SLC5A3: variants seen among roughly 807,000 people sequenced by gnomAD.
SLC5A3 encodes sodium/myo-inositol cotransporter.
A neutral mutation model predicts 43.2 loss-of-function variants in SLC5A3; 10 were observed. That is an observed-to-expected ratio of 0.23 (90% CI 0.14 to 0.39). The LOEUF (loss-of-function observed/expected upper bound fraction) is 0.39, where lower values mean the gene tolerates loss of function less well. SLC5A3 is among the 10% of genes least tolerant of loss of function. The pLI is 1.00. For synonymous variants in SLC5A3, 349 were observed against 322.0 expected (o/e 1.08, Z -0.90); for missense variants, 608 against 893.4 (o/e 0.68, Z 4.07).
chr21:34,104,615 GGA>G lies in SLC5A3; in HGVS notation c.*7265_*7266del. ...GAAGAGTTAACCTGAACACTTTGAGGGAGAGATTATTCTTGCCAGCAAAAAGC... is the reference window on the plus strand; with the variant it reads ...GAAGAGTTAACCTGAACACTTTGAGGGAGATTATTCTTGCCAGCAAAAAGC... On this transcript the variant is annotated 3_prime_UTR_variant, in exon 2 of 2. Transcript: ENST00000381151. The G allele has an allele frequency of 1.0e-6, 1 of 1,000,176 alleles. No individual in the cohort carries two copies. Among genetic ancestry groups the G allele is most frequent in the Non-Finnish European group, 1.2e-6 (1 of 829,960 alleles). The allele number at this position is 1,000,176 out of a possible 1,614,324, so 62.0% of individuals were successfully genotyped here.
intron 1 of SLC5A3, among the ~76,000 whole-genome samples, chr21:34,088,699 CACAG>C (rs1440699887): frequency 1.3e-5 from 2 of 152,170 alleles, no homozygotes; most frequent in Non-Finnish European, 2.9e-5. Context: ...CTGGCTGTAA[CACAG>C]ACAGCTGTGG....
chr21:34,079,602 ATTTTTTTTTTTTTTTTTTTT>A (rs398036389), intron 1 of SLC5A3, among the ~76,000 whole-genome samples: 1 of 43,660 alleles, frequency 2.3e-5, no homozygotes, highest in Non-Finnish European at 4.3e-5. Flanking sequence ...GACCCAGCTA[ATTTTTTTTTTTTTTTTTTTT>A]TTTTTTTTTT....
chr21:34,095,038 C>A lies in SLC5A3; in HGVS notation c.-161C>A. 1 of 823,270 alleles carries A rather than the reference C, an allele frequency of 1.2e-6. No individual in the cohort carries two copies. The highest frequency in any genetic ancestry group is 1.8e-6 in the Non-Finnish European group (1 of 561,424). 51.0% of individuals were successfully genotyped at this position (823,270 alleles called of 1,614,324 possible). ...TCTTCAAAGTTTATCACAACCACCA[C>A]CATCAAGACAGCAAACCAAAGGACA... On this transcript the variant is annotated 5_prime_UTR_variant, in exon 2 of 2. Transcript: ENST00000381151.
Position 34,097,948 on chromosome 21 carries a change from AC to A in SLC5A3, c.*595del, listed in dbSNP as rs1268216518. The A allele has an allele frequency of 3.0e-6, 3 of 994,912 alleles. No individual in the cohort carries two copies. In the African/African-American group the frequency reaches 5.3e-5, roughly 17 times the overall value. The allele number at this position is 994,912 out of a possible 1,614,324, so 61.6% of individuals were successfully genotyped here. ...AATGTTTTCCTGTAGGTATTTTTGT[AC>A]CACCAGTATATGGAATGTTAGGGAA... On this transcript the variant is annotated 3_prime_UTR_variant, in exon 2 of 2. Coordinates refer to ENST00000381151, the MANE Select transcript of SLC5A3 (RefSeq NM_006933.7).
At position 34,095,571 on chromosome 21, in the gene SLC5A3, T is replaced by C. The variant is rs1291490639; in HGVS notation, c.373T>C (p.Tyr125His). The change falls in exon 2 of 2, where the codon TAT (tyrosine) becomes CAT (histidine). Residue 125 changes from tyrosine (Y) to histidine (H), a missense_variant. Physicochemically the swap from Tyr to His is moderately conservative, Grantham distance 83. Coordinates refer to ENST00000381151, the MANE Select transcript of SLC5A3 (RefSeq NM_006933.7). ...ATTTGGTGGCCATAGGATTCAGGTC[T>C]ATTTTGCAGCCTTGTCTCTGATTCT... ...KRFGGHRIQV[Y>H]FAALSLILYI... 6.2e-7 allele frequency: 1 copy of C among 1,614,014 alleles called. No homozygotes were observed. Among genetic ancestry groups the C allele is most frequent in the South Asian group, 1.1e-5 (1 of 91,066 alleles).
Position 34,097,635 on chromosome 21 carries a change from C to T in SLC5A3, c.*280C>T, listed in dbSNP as rs916587430. The T allele has an allele frequency of 2.6e-6, 3 of 1,149,076 alleles. No homozygotes were observed. The African/African-American group carries it at 4.9e-5, about 19-fold the overall frequency. The allele number at this position is 1,149,076 out of a possible 1,614,324, so 71.2% of individuals were successfully genotyped here. The stretch of plus-strand genomic sequence containing the variant: ...GAAGAGACCAATTATTCTCACAGAG[C>T]ACTTAGAGCAGAATATATGTTAAGT... On this transcript the variant is annotated 3_prime_UTR_variant, in exon 2 of 2. Transcript: ENST00000381151.
In SLC5A3 at chr21:34,096,023, C is replaced by T. The variant is rs753534698; in HGVS notation, c.825C>T (p.Tyr275=). ...ILGQTPASVW[Y]WCADQVIVQR... is the part of the protein sequence containing the mutation. The stretch of plus-strand genomic sequence containing the variant: ...GGCAGACCCCAGCTTCAGTATGGTA[C>T]TGGTGTGCTGACCAAGTCATCGTGC... Residue 275 remains tyrosine, a synonymous_variant, in exon 2 of 2, where the codon TAC becomes TAT. Coordinates refer to ENST00000381151, the MANE Select transcript of SLC5A3 (RefSeq NM_006933.7). This position sits in a 1 kb window ranked among gnomAD's most constrained non-coding sequence, Gnocchi z 5.9. 1 of 1,614,094 alleles carries T rather than the reference C, an allele frequency of 6.2e-7. No homozygotes were observed. The highest frequency in any genetic ancestry group is 8.5e-7 in the Non-Finnish European group (1 of 1,180,000).
Position 34,097,763 on chromosome 21 carries a change from A to G in SLC5A3, c.*408A>G. On this transcript the variant is annotated 3_prime_UTR_variant, in exon 2 of 2. Transcript: ENST00000381151. ...CTAAATTTTTTTTTCTGTCTCTGTA[A>G]TCCCTCCTACCATTAAGAAAAACTT... 1 of 1,003,786 alleles carries G rather than the reference A, an allele frequency of 1.0e-6. No homozygotes were observed. 62.2% of individuals were successfully genotyped at this position (1,003,786 alleles called of 1,614,324 possible). A position where few individuals can be genotyped will look rare whatever the true frequency, so the allele number is the denominator to read the frequency against.
Position 34,100,725 on chromosome 21 carries a change from G to C in SLC5A3, c.*3370G>C, listed in dbSNP as rs992901881. On this transcript the variant is annotated 3_prime_UTR_variant, in exon 2 of 2. Transcript: ENST00000381151. ...GGCTAAGCAAGGGGTTAACTCTTGT[G>C]AGAGCCAATAGAGTGTGTCTGTATT... 2 of 999,924 alleles carry C rather than the reference G, an allele frequency of 2.0e-6. No individual in the cohort carries two copies. Among genetic ancestry groups the C allele is most frequent in the Admixed American group, 1.2e-4 (2 of 16,232 alleles). 61.9% of individuals were successfully genotyped at this position (999,924 alleles called of 1,614,324 possible). A position where few individuals can be genotyped will look rare whatever the true frequency, so the allele number is the denominator to read the frequency against.
In SLC5A3 at chr21:34,101,385, A is replaced by G; in HGVS notation, c.*4030A>G. ...TACGAAGTTTGTTACCACAGTAGAG[A>G]TAATTTAGTAGAAAAATGCTTTGAG... is the stretch of plus-strand genomic sequence containing the variant. On this transcript the variant is annotated 3_prime_UTR_variant, in exon 2 of 2. Transcript: ENST00000381151. 1.0e-6 allele frequency: 1 copy of G among 1,000,142 alleles called. No homozygotes were observed. The highest frequency in any genetic ancestry group is 1.1e-4 in the East Asian group (1 of 8,816). 62.0% of individuals were successfully genotyped at this position (1,000,142 alleles called of 1,614,324 possible).
rs748078623 is a variant in SLC5A3, at chr21:34,095,152, G to C, written c.-47G>C. 2.7e-6 allele frequency: 4 copies of C among 1,498,392 alleles called. No individual in the cohort carries two copies. The highest frequency in any genetic ancestry group is 2.6e-6 in the Non-Finnish European group (3 of 1,132,386). 92.8% of individuals were successfully genotyped at this position (1,498,392 alleles called of 1,614,324 possible). On this transcript the variant is annotated 5_prime_UTR_variant, in exon 2 of 2. Coordinates refer to ENST00000381151, the MANE Select transcript of SLC5A3 (RefSeq NM_006933.7). Reference sequence around the variant, plus strand: ...TGGGGTTACTAAAAATAAATAAAAAGTTGGACACTTCTGTCATTGGAGCGC... The same window carrying C: ...TGGGGTTACTAAAAATAAATAAAAACTTGGACACTTCTGTCATTGGAGCGC...
Position 34,104,296 on chromosome 21 carries a change from T to A in SLC5A3, c.*6941T>A. 5.0e-6 allele frequency: 5 copies of A among 1,000,082 alleles called. No individual in the cohort carries two copies. Among genetic ancestry groups the A allele is most frequent in the South Asian group, 9.4e-5 (2 of 21,284 alleles). The allele number at this position is 1,000,082 out of a possible 1,614,324, so 62.0% of individuals were successfully genotyped here. ...CCCATTAACCCTCTTCTAGTCTAGA[T>A]GAGATGAAATCTGTTAATGTGTGTG... On this transcript the variant is annotated 3_prime_UTR_variant, in exon 2 of 2. Transcript: ENST00000381151.
rs1212925653 is a variant in SLC5A3, at chr21:34,103,462, T to C, written c.*6107T>C. ...ATTAAAAACTTAAAGTTACTTATGT[T>C]CTGTGATCTTAATTTTGTTGTGTTT... On this transcript the variant is annotated 3_prime_UTR_variant, in exon 2 of 2. Transcript: ENST00000381151. 1.0e-6 allele frequency: 1 copy of C among 998,802 alleles called. No individual in the cohort carries two copies. The highest frequency in any genetic ancestry group is 1.2e-6 in the Non-Finnish European group (1 of 828,762). The allele number at this position is 998,802 out of a possible 1,614,324, so 61.9% of individuals were successfully genotyped here. A position where few individuals can be genotyped will look rare whatever the true frequency, so the allele number is the denominator to read the frequency against.
At chr21:34,074,839 T>G (rs1989287411) in intron 1 of SLC5A3, among the ~76,000 whole-genome samples, 1 of 152,160 alleles carries the variant, frequency 6.6e-6, no homozygotes, top group Non-Finnish European at 1.5e-5. Flanking sequence ...GAACTTAAGC[T>G]CAATTGATAA....
Position 34,104,726 on chromosome 21 carries a change from G to T in SLC5A3, c.*7371G>T. The T allele has an allele frequency of 2.0e-6, 2 of 1,000,280 alleles. No homozygotes were observed. Among genetic ancestry groups the T allele is most frequent in the Non-Finnish European group, 2.4e-6 (2 of 830,012 alleles). 62.0% of individuals were successfully genotyped at this position (1,000,280 alleles called of 1,614,324 possible). On this transcript the variant is annotated 3_prime_UTR_variant, in exon 2 of 2. Transcript: ENST00000381151. The stretch of plus-strand genomic sequence containing the variant: ...TGAGGGGAAGAAGATTACCAGAAGT[G>T]CAGGAAAGAGAAGTTTGAGGAACAC...
rs1293849511 is a variant in SLC5A3 at position 34,104,597 on chromosome 21, T to TA, written c.*7244dup. On this transcript the variant is annotated 3_prime_UTR_variant, in exon 2 of 2. Transcript: ENST00000381151. Reference sequence around the variant, plus strand: ...CTAATATGAGATGTTTTAGAAGAGTTAACCTGAACACTTTGAGGGAGAGAT... The same window carrying TA: ...CTAATATGAGATGTTTTAGAAGAGTTAAACCTGAACACTTTGAGGGAGAGAT... 1 of 999,994 alleles carries TA rather than the reference T, an allele frequency of 1.0e-6. No homozygotes were observed. The highest frequency in any genetic ancestry group is 1.2e-6 in the Non-Finnish European group (1 of 829,906). The allele number at this position is 999,994 out of a possible 1,614,324, so 61.9% of individuals were successfully genotyped here.
chr21:34,100,533 T>G lies in SLC5A3; in HGVS notation c.*3178T>G, dbSNP rs1007257200. 19 of 1,000,154 alleles carry G rather than the reference T, an allele frequency of 1.9e-5. No homozygotes were observed. Among genetic ancestry groups the G allele is most frequent in the Non-Finnish European group, 2.3e-5 (19 of 829,994 alleles). The allele number at this position is 1,000,154 out of a possible 1,614,324, so 62.0% of individuals were successfully genotyped here. On this transcript the variant is annotated 3_prime_UTR_variant, in exon 2 of 2. Transcript: ENST00000381151. Reference sequence around the variant, plus strand: ...CATCTCCTAGGGCTTCCTTTTCACTTGGCTCAAAGGATCCATTGTATTTTG... The same window carrying G: ...CATCTCCTAGGGCTTCCTTTTCACTGGGCTCAAAGGATCCATTGTATTTTG...
chr21:34,087,139 G>A (rs1017700358), intron 1 of SLC5A3, among the ~76,000 whole-genome samples: 3 of 152,142 alleles, frequency 2.0e-5, no homozygotes, highest in African/African-American at 4.8e-5. Flanking sequence ...CTATGTCATG[G>A]GCCACTGAGA....
At chr21:34,092,242 A>C (rs1978735338) in intron 1 of SLC5A3, among the ~76,000 whole-genome samples, 1 of 152,212 alleles carries the variant, frequency 6.6e-6, no homozygotes. Context: ...ATATAGCTGC[A>C]TTGCATTATA....
Sources: gnomAD v4.1 joint callset for allele counts (sites outside exome capture counted in the v4.1 genomes callset) on GRCh38, gnomAD v4.1.1 for gene constraint, Gnocchi (gnomAD v3.1) non-coding constraint, MANE v1.5 for transcripts, NCBI Gene and HGNC (gene_info 2026-07-23, HGNC 2026-07-21) for gene names.